MYO18B: variants seen among roughly 807,000 people sequenced by gnomAD.
MYO18B encodes myosin XVIIIB, also known as unconventional myosin-XVIIIb.
A neutral mutation model predicts 273.0 loss-of-function variants in MYO18B; 204 were observed. The ratio of observed to expected loss-of-function variants is 0.75; its 90% confidence interval spans 0.67 to 0.84. The LOEUF (loss-of-function observed/expected upper bound fraction) is 0.84. MYO18B is among the 40% of genes least tolerant of loss of function. MYO18B has a pLI of 0.00. For synonymous variants in MYO18B, 1,330 were observed against 1,305.7 expected, an observed-to-expected ratio of 1.02 and a Z score of -0.40; for missense variants, 3,212 against 3,287.6, an observed-to-expected ratio of 0.98 and a Z score of 0.56.
chr22:25,777,869 C>A, intron 8 of MYO18B, 88 bp downstream of exon 8: 2 of 1,316,552 alleles, frequency 1.5e-6, no homozygotes, highest in Non-Finnish European at 2.1e-6. Flanking sequence ...TATATTCATT[C>A]AGCTAGCATT....
chr22:25,944,649 A>C (rs1601640741), intron 34 of MYO18B, among the ~76,000 whole-genome samples: 1 of 152,076 alleles, frequency 6.6e-6, no homozygotes, highest in Non-Finnish European at 1.5e-5. Flanking sequence ...GGAGTTCAAG[A>C]CCAGCCTGGC....
chr22:25,840,354 G>A (rs147831283), intron 17 of MYO18B, among the ~76,000 whole-genome samples: 137 of 152,332 alleles, frequency 9.0e-4, no homozygotes, highest in African/African-American at 2.5e-3. Flanking sequence ...GGGCCCTTCC[G>A]CCACATTCCA....
At chr22:26,033,796 CCTTCCTTCCTT>C (rs1236686072), downstream of MYO18B, among the ~76,000 whole-genome samples, 2 of 147,688 alleles carry the variant, frequency 1.4e-5, 1 homozygote, top group African/African-American at 5.2e-5. Flanking sequence ...TTCTGTCTCT[CCTTCCTTCCTT>C]TCTTTTTCTC....
chr22:25,838,086 G>C (rs1440866072), intron 17 of MYO18B, among the ~76,000 whole-genome samples: 1 of 151,414 alleles, frequency 6.6e-6, no homozygotes, highest in Non-Finnish European at 1.5e-5. Flanking sequence ...TTTAATTTCT[G>C]GAAAGAAAAA....
downstream of MYO18B, among the ~76,000 whole-genome samples, chr22:26,033,973 G>A (rs1021560379): frequency 2.9e-5 from 4 of 137,950 alleles, no homozygotes; most frequent in Non-Finnish European, 4.6e-5. Flanking sequence ...TCTTTTTTTG[G>A]ATGGGGTTTT....
chr22:25,888,442 T>C (rs1384161727), intron 25 of MYO18B, among the ~76,000 whole-genome samples: 1 of 152,130 alleles, frequency 6.6e-6, no homozygotes, highest in African/African-American at 2.4e-5. Flanking sequence ...TTAAAAACTT[T>C]TTAAAGCCAG....
chr22:25,937,136 G>A (rs1569210738), intron 34 of MYO18B, among the ~76,000 whole-genome samples: 1 of 151,776 alleles, frequency 6.6e-6, no homozygotes, highest in Non-Finnish European at 1.5e-5. Context: ...CGGGAGTGCA[G>A]TGAGTGGCGT....
rs753371329 is a variant in MYO18B at position 25,823,640 on chromosome 22, C to G, written c.2657C>G (p.Pro886Arg). The G allele has an allele frequency of 1.9e-6, 3 of 1,613,940 alleles. No individual in the cohort carries two copies. The South Asian group carries it at 3.3e-5, about 18-fold the overall frequency. ...RQIIQQMTFGPSRWGLEDEET... is the reference protein window; with the variant it reads ...RQIIQQMTFGRSRWGLEDEET... ...ATCATCCAGCAAATGACGTTTGGGC[C>G]AAGCCGATGGGGCCTCGAGGATGAG... Residue 886 changes from proline to arginine, a missense_variant, in exon 13 of 44, where the codon CCA becomes CGA. By Grantham distance (103) the Pro-to-Arg change is moderately radical (BLOSUM62 -2). Coordinates refer to ENST00000335473, the MANE Select transcript of MYO18B (RefSeq NM_032608.7).
At chr22:25,822,454 G>A (rs1317804413) in intron 12 of MYO18B, among the ~76,000 whole-genome samples, 1 of 152,160 alleles carries the variant, frequency 6.6e-6, no homozygotes, top group Non-Finnish European at 1.5e-5. Context: ...TTGTTTACTT[G>A]TCTGTTGTCA....
chr22:25,910,828 C>T (rs2092142617), intron 32 of MYO18B, 118 bp from the exon 33 acceptor site: 1 of 776,004 alleles, frequency 1.3e-6, no homozygotes, highest in Non-Finnish European at 2.1e-6. Flanking sequence ...CTAGGGCAGC[C>T]TCATGGAACA....
intron 40 of MYO18B, among the ~76,000 whole-genome samples, chr22:25,995,715 T>G (rs1235582264): frequency 6.6e-6 from 1 of 152,188 alleles, no homozygotes; most frequent in African/African-American, 2.4e-5. Flanking sequence ...GCTGTCACCC[T>G]CATCCTAATA....
intron 17 of MYO18B, among the ~76,000 whole-genome samples, chr22:25,839,214 ATATG>A (rs1363439876): frequency 6.6e-6 from 1 of 150,410 alleles, no homozygotes; most frequent in African/African-American, 2.5e-5. Context: ...GCACGTGTGT[ATATG>A]TGTGTGTATA....
At chr22:25,804,758 C>T (rs923944763) in intron 12 of MYO18B, among the ~76,000 whole-genome samples, 4 of 152,216 alleles carry the variant, frequency 2.6e-5, no homozygotes, top group African/African-American at 9.6e-5. Context: ...GGGGGTGGCC[C>T]TGCTCTGTCT....
rs373119005 is a variant in MYO18B, at chr22:26,026,970, C to T, written c.6996C>T (p.Asp2332=). The T allele has an allele frequency of 1.2e-4, 186 of 1,613,756 alleles. No homozygotes were observed. The highest frequency in any genetic ancestry group is 9.9e-4 in the Middle Eastern group (6 of 6,084). The change falls in exon 43 of 44, where the codon GAC becomes GAT. Residue 2332 remains aspartate (D), a synonymous_variant. Coordinates refer to ENST00000335473, the MANE Select transcript of MYO18B (RefSeq NM_032608.7). Reference sequence around the variant, plus strand: ...CCAGCCTCAAATGCATCTCTTCAGACGGTGTTGGGGGCACAACCCTACTCC... The same window carrying T: ...CCAGCCTCAAATGCATCTCTTCAGATGGTGTTGGGGGCACAACCCTACTCC... ...RSTSLKCISS[D]GVGGTTLLPE...
intron 1 of MYO18B, among the ~76,000 whole-genome samples, chr22:25,752,218 C>T (rs2085950365): frequency 3.4e-5 from 5 of 146,892 alleles, no homozygotes; most frequent in Non-Finnish European, 3.0e-5. Context: ...GACGGAGTCT[C>T]GCTCTGTCGC....
downstream of MYO18B, among the ~76,000 whole-genome samples, chr22:26,035,614 G>A (rs754482379): frequency 2.6e-5 from 4 of 152,168 alleles, no homozygotes; most frequent in Non-Finnish European, 5.9e-5. Context: ...CAAACTCCAG[G>A]GGTTTGACCT....
chr22:25,926,595 G>A (rs939609993), intron 34 of MYO18B, among the ~76,000 whole-genome samples: 5 of 152,076 alleles, frequency 3.3e-5, no homozygotes, highest in South Asian at 2.1e-4. Context: ...ACACCTGGCC[G>A]AAAGTTTTGT....
chr22:25,998,473 C>G (rs1933581114), intron 40 of MYO18B, among the ~76,000 whole-genome samples: 1 of 152,086 alleles, frequency 6.6e-6, no homozygotes, highest in Non-Finnish European at 1.5e-5. Flanking sequence ...GACGAATGCT[C>G]TGAAAAAAGA....
chr22:25,851,817 CA>C (rs1257893949), intron 21 of MYO18B, among the ~76,000 whole-genome samples: 1 of 152,132 alleles, frequency 6.6e-6, no homozygotes, highest in Non-Finnish European at 1.5e-5. Context: ...GCATCTGGAC[CA>C]GCTGGAATCT....
Sources: allele counts gnomAD v4.1 joint callset (sites outside exome capture counted in the v4.1 genomes callset), GRCh38; gene constraint gnomAD v4.1.1; transcripts MANE v1.5; gene names NCBI Gene and HGNC (gene_info 2026-07-23, HGNC 2026-07-21).